GABRB2: variants seen among roughly 807,000 people sequenced by gnomAD.
GABRB2 encodes the protein gamma-aminobutyric acid type A receptor subunit beta2, also known as gamma-aminobutyric acid receptor subunit beta-2.
GABRB2 carries 16 observed loss-of-function variants against 54.7 expected under a neutral mutation model. That is an observed-to-expected ratio of 0.29 (90% CI 0.20 to 0.44). GABRB2 has a LOEUF of 0.44. GABRB2 is among the 20% of genes least tolerant of loss of function. The probability of loss-of-function intolerance (pLI) is 1.00; values close to 1 mark genes in which losing one functional copy is unlikely to be tolerated. For missense variants in GABRB2, 355 were observed against 644.0 expected, an observed-to-expected ratio of 0.55 and a Z score of 4.86; for synonymous variants, 244 against 233.8, an observed-to-expected ratio of 1.04 and a Z score of -0.40.
chr5:161,315,837 T>G (rs1173606759), intron 9 of GABRB2, among the ~76,000 whole-genome samples: 1 of 152,166 alleles, frequency 6.6e-6, no homozygotes, highest in Admixed American at 6.5e-5. Context: ...TAAATCTTTA[T>G]AGATGCATCA....
At chr5:161,363,190 A>G (rs1220561637) in intron 5 of GABRB2, among the ~76,000 whole-genome samples, 2 of 152,212 alleles carry the variant, frequency 1.3e-5, no homozygotes, top group Non-Finnish European at 2.9e-5. Context: ...ATGGAATACT[A>G]TGCAGTCATA....
chr5:161,349,397 T>C (rs936898591), intron 5 of GABRB2, among the ~76,000 whole-genome samples: 25 of 152,134 alleles, frequency 1.6e-4, no homozygotes, highest in Admixed American at 1.2e-3. Flanking sequence ...TAAGTATTTA[T>C]AGTTCTTGTA....
chr5:161,501,103 C>T (rs935734736), intron 3 of GABRB2, among the ~76,000 whole-genome samples: 10 of 151,822 alleles, frequency 6.6e-5, no homozygotes, highest in African/African-American at 2.4e-4. Flanking sequence ...ACTTCCAGCA[C>T]TAGTGTAACA....
At chr5:161,301,624 A>C (rs1485353323) in intron 9 of GABRB2, among the ~76,000 whole-genome samples, 1 of 152,202 alleles carries the variant, frequency 6.6e-6, no homozygotes, top group African/African-American at 2.4e-5. Context: ...AGCAAAAGTA[A>C]ATGAAACGAG....
chr5:161,366,060 A>G (rs558968102), intron 5 of GABRB2, among the ~76,000 whole-genome samples: 1 of 150,492 alleles, frequency 6.6e-6, no homozygotes, highest in South Asian at 2.1e-4. Context: ...GTTATCTAGT[A>G]TGAACTCCGT....
intron 3 of GABRB2, among the ~76,000 whole-genome samples, chr5:161,484,183 A>G (rs1267273970): frequency 5.9e-5 from 9 of 151,966 alleles, no homozygotes; most frequent in Admixed American, 1.3e-4. Flanking sequence ...GACTTCAGTG[A>G]TTATCACATG....
chr5:161,367,808 T>A (rs1755012775), intron 5 of GABRB2, among the ~76,000 whole-genome samples: 1 of 152,174 alleles, frequency 6.6e-6, no homozygotes, highest in Admixed American at 6.6e-5. Flanking sequence ...AAGTTTAGCT[T>A]CAAAATACTA....
chr5:161,388,509 T>C (rs1755716063), intron 5 of GABRB2, among the ~76,000 whole-genome samples: 1 of 152,078 alleles, frequency 6.6e-6, no homozygotes, highest in Non-Finnish European at 1.5e-5. Flanking sequence ...ACACACATTC[T>C]TGACTAATTT....
intron 4 of GABRB2, among the ~76,000 whole-genome samples, chr5:161,413,729 T>C (rs760632545): frequency 3.9e-5 from 6 of 152,170 alleles, no homozygotes; most frequent in Admixed American, 6.5e-5. Flanking sequence ...CTTGAGAAAC[T>C]AGAGAAAATT....
chr5:161,317,312 A>G (rs1212483134), intron 9 of GABRB2, among the ~76,000 whole-genome samples: 1 of 152,146 alleles, frequency 6.6e-6, no homozygotes, highest in East Asian at 1.9e-4. Flanking sequence ...ATTTATACAA[A>G]TGAAACAAAA....
chr5:161,296,810 A>C (rs2113338428), intron 9 of GABRB2, among the ~76,000 whole-genome samples: 1 of 152,338 alleles, frequency 6.6e-6, no homozygotes. Flanking sequence ...CAGAGTCAAA[A>C]GATTGTACTT....
At chr5:161,468,641 C>A (rs976579080) in intron 3 of GABRB2, among the ~76,000 whole-genome samples, 1 of 151,832 alleles carries the variant, frequency 6.6e-6, no homozygotes, top group South Asian at 2.1e-4. Context: ...ATTTTCATGT[C>A]GCCCAACTAG....
Position 161,504,106 on chromosome 5 carries a change from T to C in GABRB2, c.237+41121A>G, listed in dbSNP as rs79161136. 5.6e-3 allele frequency among the ~76,000 whole-genome samples: 846 copies of C among 152,142 alleles called. 8 individuals are homozygous for C. Among genetic ancestry groups the C allele is most frequent in the African/African-American group, 0.019 (789 of 41,534 alleles). On this transcript the variant is annotated intron_variant, in intron 3 of 9. Coordinates refer to ENST00000393959, the MANE Select transcript of GABRB2 (RefSeq NM_001371727.1). ...AACAGAGAAAAATCCACAATGTAAA[T>C]TGGAATTTTAACAACTATCTCTCAG...
At position 161,480,515 on chromosome 5, in the gene GABRB2, T is replaced by C. The variant is rs574439624; in HGVS notation, c.238-20671A>G. On this transcript the variant is annotated intron_variant, in intron 3 of 9. Transcript: ENST00000393959. ...TGATGTTTACAAAGTAAGATTATTA[T>C]AAGAATTAAAGAGCAGATGTGCCTG... is the stretch of plus-strand genomic sequence containing the variant. Among the ~76,000 whole-genome samples, 5 of 152,164 alleles carry C rather than the reference T, an allele frequency of 3.3e-5. No individual in the cohort carries two copies. The South Asian group carries it at 1.0e-3, about 32-fold the overall frequency.
At chr5:161,499,428 A>G (rs1306453471) in intron 3 of GABRB2, among the ~76,000 whole-genome samples, 1 of 152,088 alleles carries the variant, frequency 6.6e-6, no homozygotes, top group Non-Finnish European at 1.5e-5. Flanking sequence ...TAACTTCCAT[A>G]GGCCCTTGTC....
At chr5:161,296,173 G>T (rs901894158) in intron 9 of GABRB2, among the ~76,000 whole-genome samples, 44 of 152,314 alleles carry the variant, frequency 2.9e-4, no homozygotes, top group Middle Eastern at 6.8e-3. Context: ...TAGTAGAAAT[G>T]CTGGGAGTGG....
intron 9 of GABRB2, among the ~76,000 whole-genome samples, chr5:161,306,358 C>T (rs1299110666): frequency 6.6e-6 from 1 of 152,232 alleles, no homozygotes; most frequent in African/African-American, 2.4e-5. Flanking sequence ...AATTTCTAAG[C>T]TCAGAGACTT....
At chr5:161,517,073 T>C (rs1389475348) in intron 3 of GABRB2, among the ~76,000 whole-genome samples, 3 of 152,308 alleles carry the variant, frequency 2.0e-5, no homozygotes, top group Non-Finnish European at 2.9e-5. Context: ...CTCAGGGATT[T>C]CCTATGGTTT....
intron 5 of GABRB2, among the ~76,000 whole-genome samples, chr5:161,346,851 A>G (rs1219465777): frequency 2.6e-5 from 4 of 152,084 alleles, no homozygotes; most frequent in Non-Finnish European, 5.9e-5. Flanking sequence ...ATGAGTTTTT[A>G]TTTAAACAGA....
Sources: allele counts gnomAD v4.1 joint callset (sites outside exome capture counted in the v4.1 genomes callset), GRCh38; gene constraint gnomAD v4.1.1; transcripts MANE v1.5; gene names NCBI Gene and HGNC (gene_info 2026-07-23, HGNC 2026-07-21).